Variants in RPTOR observed in about 807,000 individuals in gnomAD.
The protein encoded by RPTOR is regulatory associated protein of MTOR complex 1.
RPTOR carries 21 observed loss-of-function variants against 169.9 expected under a neutral mutation model. The ratio of observed to expected loss-of-function variants is 0.12; its 90% CI spans 0.09 to 0.18. The LOEUF is 0.18. Among genes scored for constraint, RPTOR ranks in the 10% least tolerant of loss-of-function variants. RPTOR has a pLI of 1.00. For synonymous variants in RPTOR, 732 were observed against 753.2 expected (o/e 0.97, Z 0.46); for missense variants, 1,133 against 1,855.9 (o/e 0.61, Z 7.16).
chr17:80,944,817 C>T (rs1482110790), intron 25 of RPTOR, among the ~76,000 whole-genome samples: 1 of 152,056 alleles, frequency 6.6e-6, no homozygotes, highest in Non-Finnish European at 1.5e-5. Context: ...ATGGTGAAAC[C>T]CCGTCTCTAC....
intron 6 of RPTOR, among the ~76,000 whole-genome samples, chr17:80,761,949 G>T (rs954116908): frequency 5.9e-5 from 9 of 152,234 alleles, no homozygotes; most frequent in African/African-American, 2.2e-4. Context: ...GTTTAATTTG[G>T]AATTTGCGTC....
chr17:80,869,246 G>A (rs899973257), intron 13 of RPTOR, among the ~76,000 whole-genome samples: 3 of 152,172 alleles, frequency 2.0e-5, no homozygotes, highest in South Asian at 2.1e-4. Context: ...TGCAACCTCC[G>A]CCTCCCGGGT....
At chr17:80,901,743 A>C (rs149086835) in intron 20 of RPTOR, among the ~76,000 whole-genome samples, 2 of 152,052 alleles carry the variant, frequency 1.3e-5, no homozygotes, top group African/African-American at 4.8e-5. Flanking sequence ...ATGTCTCCCC[A>C]TCTTTCCTGG....
At chr17:80,922,970 C>G (rs567963546) in intron 22 of RPTOR, 143 bp downstream of exon 22, 1 of 671,040 alleles carries the variant, frequency 1.5e-6, no homozygotes, top group East Asian at 2.7e-5. Flanking sequence ...AGCGGGCGTT[C>G]TTTCCCTCTC....
chr17:80,863,533 C>G (rs1360207364), intron 13 of RPTOR, among the ~76,000 whole-genome samples: 1 of 152,136 alleles, frequency 6.6e-6, no homozygotes, highest in Non-Finnish European at 1.5e-5. Flanking sequence ...AAAAAGAACC[C>G]AACTTGAATT....
chr17:80,827,014 G>C (rs1010412305), intron 9 of RPTOR, among the ~76,000 whole-genome samples: 1 of 152,224 alleles, frequency 6.6e-6, no homozygotes, highest in East Asian at 1.9e-4. Context: ...CTCGGCCCGC[G>C]GGAAGGAAGA....
At chr17:80,923,224 G>A (rs1383661214) in intron 22 of RPTOR, among the ~76,000 whole-genome samples, 1 of 152,218 alleles carries the variant, frequency 6.6e-6, no homozygotes, top group Admixed American at 6.5e-5. Context: ...CTCTGAGCTG[G>A]GTTCGTCCTG....
intron 3 of RPTOR, among the ~76,000 whole-genome samples, chr17:80,658,849 A>G (rs933605168): frequency 1.3e-5 from 2 of 152,002 alleles, no homozygotes; most frequent in African/African-American, 4.8e-5. Flanking sequence ...TCGATTCTTT[A>G]TCAATTCCAG....
chr17:80,863,099 C>T (rs971282007), intron 13 of RPTOR, among the ~76,000 whole-genome samples: 25 of 152,114 alleles, frequency 1.6e-4, no homozygotes, highest in Admixed American at 4.6e-4. Context: ...AAGGTGGGCT[C>T]GGGCGGAAGA....
chr17:80,652,097 G>C (rs1456710595), intron 3 of RPTOR, among the ~76,000 whole-genome samples: 1 of 151,970 alleles, frequency 6.6e-6, no homozygotes, highest in Non-Finnish European at 1.5e-5. Context: ...TTGAACCTGG[G>C]AGGTGGAGGT....
chr17:80,666,056 G>C (rs9901767), intron 3 of RPTOR, among the ~76,000 whole-genome samples: 17,735 of 152,004 alleles, frequency 0.12, 3,458 homozygotes, highest in African/African-American at 0.41. Context: ...GAGGACAAAC[G>C]TTTTATTTTT....
At chr17:80,809,203 A>T (rs916153784) in intron 7 of RPTOR, among the ~76,000 whole-genome samples, 1 of 151,848 alleles carries the variant, frequency 6.6e-6, no homozygotes, top group Non-Finnish European at 1.5e-5. Context: ...TTTTTATTTT[A>T]TTTTTTGAGA....
intron 5 of RPTOR, among the ~76,000 whole-genome samples, chr17:80,734,811 GA>G (rs981074491): frequency 9.2e-5 from 14 of 151,808 alleles, no homozygotes; most frequent in Admixed American, 5.2e-4. Flanking sequence ...GACATTCGGG[GA>G]AAAAAAATTG....
chr17:80,548,175 C>T (rs912773931), intron 1 of RPTOR, among the ~76,000 whole-genome samples: 11 of 148,042 alleles, frequency 7.4e-5, no homozygotes, highest in African/African-American at 2.7e-4. Context: ...CCTCGACCTC[C>T]TGGGCCTGAG....
intron 7 of RPTOR, chr17:80,805,060 C>CT (rs2067204762): frequency 6.6e-6 from 1 of 152,186 alleles, no homozygotes; most frequent in African/African-American, 2.4e-5. Flanking sequence ...TGGAAACTGT[C>CT]TTTCCTAGGG....
intron 12 of RPTOR, 66 bp downstream of exon 12, chr17:80,855,613 A>C (rs1436412845): frequency 9.0e-6 from 11 of 1,227,452 alleles, no homozygotes; most frequent in Non-Finnish European, 1.3e-5. Context: ...TCCGTGTTTC[A>C]GTCTGTGCAC....
intron 1 of RPTOR, among the ~76,000 whole-genome samples, chr17:80,578,065 G>A (rs62068273): frequency 0.022 from 3,387 of 152,292 alleles, 52 homozygotes; most frequent in South Asian, 0.048. Flanking sequence ...CTAAAGAAGC[G>A]CCCTCTTTAA....
Position 80,945,714 on chromosome 17 carries a change from G to A in RPTOR, c.3073G>A (p.Val1025Ile), listed in dbSNP as rs149834841. Residue 1025 changes from valine (V) to isoleucine (I), a missense_variant, in exon 26 of 34, where the codon GTC becomes ATC. Around this residue, in one of 9 missense-constraint regions of RPTOR, gnomAD observed 410 missense variants for 623.7 expected, o/e 0.66. Transcript: ENST00000306801. Reference protein sequence around the residue: ...DQIFLNRNPGVPSVVKFHPFT... With the variant: ...DQIFLNRNPGIPSVVKFHPFT... ...AATATTTCTGAACAGGAACCCCGGC[G>A]TCCCCTCTGTGGTGAAATTCCACCC... 29 of 1,611,164 alleles carry A rather than the reference G, an allele frequency of 1.8e-5. No individual in the cohort carries two copies. Among genetic ancestry groups the A allele is most frequent in the South Asian group, 5.5e-5 (5 of 90,758 alleles).
intron 2 of RPTOR, among the ~76,000 whole-genome samples, chr17:80,634,211 A>ATACTGTGTGCGTGTGTG (rs2065466598): frequency 9.6e-6 from 1 of 104,226 alleles, no homozygotes; most frequent in Non-Finnish European, 1.9e-5. Flanking sequence ...CTGTGTGTGC[A>ATACTGTGTGCGTGTGTG]TACTGTGTGC....
Sources: gnomAD v4.1 joint callset for allele counts (sites outside exome capture counted in the v4.1 genomes callset) on GRCh38, gnomAD v4.1.1 for gene constraint, gnomAD v4.1.1 regional missense constraint, MANE v1.5 for transcripts, NCBI Gene and HGNC (gene_info 2026-07-23, HGNC 2026-07-21) for gene names.